Variants in IFT81 observed in about 807,000 individuals in gnomAD.
IFT81 encodes intraflagellar transport 81.
IFT81 carries 72 observed loss-of-function variants against 102.6 expected under a neutral mutation model. The observed-to-expected ratio is 0.70, with a 90% CI of 0.58 to 0.85. The LOEUF is 0.85. Ranked by LOEUF, IFT81 falls within the 40% of genes least tolerant of loss-of-function variation. The probability of loss-of-function intolerance (pLI) is 0.00; values close to 1 mark genes in which losing one functional copy is unlikely to be tolerated. For synonymous variants in IFT81, 237 were observed against 242.7 expected, an observed-to-expected ratio of 0.98 and a Z score of 0.22; for missense variants, 723 against 787.3, an observed-to-expected ratio of 0.92 and a Z score of 0.98.
At chr12:110,156,781 G>A (rs1593310935) in intron 10 of IFT81, among the ~76,000 whole-genome samples, 1 of 152,132 alleles carries the variant, frequency 6.6e-6, no homozygotes, top group African/African-American at 2.4e-5. Flanking sequence ...ATAGGTGTGA[G>A]CCACCACACC....
At position 110,128,860 on chromosome 12, in the gene IFT81, A is replaced by C. The variant is rs1566099294; in HGVS notation, c.249-90A>C. 4 of 911,528 alleles carry C rather than the reference A, an allele frequency of 4.4e-6. No homozygotes were observed. The East Asian group carries it at 8.2e-5, about 19-fold the overall frequency. The allele number at this position is 911,528 out of a possible 1,614,324, so 56.5% of individuals were successfully genotyped here. A position where few individuals can be genotyped will look rare whatever the true frequency, so the allele number is the denominator to read the frequency against. ...AAAAGTTACAGAAAGCAATTTGGACATTGTAAATCAGATTTTGAGAAAATG... is the reference window on the plus strand; with the variant it reads ...AAAAGTTACAGAAAGCAATTTGGACCTTGTAAATCAGATTTTGAGAAAATG... On this transcript the variant is annotated intron_variant, in intron 3 of 18. Coordinates refer to ENST00000242591, the MANE Select transcript of IFT81 (RefSeq NM_014055.4).
intron 18 of IFT81, among the ~76,000 whole-genome samples, chr12:110,215,119 T>C (rs1283553848): frequency 2.0e-5 from 3 of 152,202 alleles, no homozygotes; most frequent in African/African-American, 7.2e-5. Flanking sequence ...GGTTTGACTC[T>C]GGTCCTCAGC....
intron 12 of IFT81, among the ~76,000 whole-genome samples, chr12:110,184,336 C>A (rs538435404): frequency 1.3e-5 from 2 of 151,868 alleles, no homozygotes; most frequent in Non-Finnish European, 2.9e-5. Context: ...GGTGACAGAG[C>A]GAGACTCCAT....
chr12:110,173,115 TG>T (rs1295786667), intron 11 of IFT81, among the ~76,000 whole-genome samples: 2 of 103,618 alleles, frequency 1.9e-5, no homozygotes, highest in Non-Finnish European at 1.9e-5. Context: ...GGGAGGGAGG[TG>T]GGGGGGTCAG....
chr12:110,148,879 A>G (rs1218213599), intron 10 of IFT81, among the ~76,000 whole-genome samples: 1 of 152,184 alleles, frequency 6.6e-6, no homozygotes, highest in Non-Finnish European at 1.5e-5. Flanking sequence ...ATCATTATTT[A>G]TCAGTTTTCA....
chr12:110,173,239 GCCGCCCCGTCCGGGAGGTGAGGGGCGCCT>G, intron 11 of IFT81, among the ~76,000 whole-genome samples: 1 of 148,478 alleles, frequency 6.7e-6, no homozygotes, highest in Non-Finnish European at 1.5e-5. Flanking sequence ...CACCCGGCCA[GCCGCCCCGTCCGGGAGGTGAGGGGCGCCT>G]CTGCCCGGCC....
rs137970540 is a variant in IFT81, at chr12:110,143,517, A to G, written c.917A>G (p.His306Arg). ...GTAGTTTCAGAGCCAGCTATGGGCC[A>G]TTCTGATCTTCTTGAACTTGAATCT... ...QKVVSEPAMG[H>R]SDLLELESKI... Residue 306 changes from histidine to arginine, a missense_variant, in exon 9 of 19, where the codon CAT becomes CGT. Transcript: ENST00000242591. 4 of 1,557,120 alleles carry G rather than the reference A, an allele frequency of 2.6e-6. No homozygotes were observed. In the Admixed American group the frequency reaches 9.2e-5, roughly 36 times the overall value.
At chr12:110,179,773 T>TATATACACACAC (rs774113734) in intron 11 of IFT81, among the ~76,000 whole-genome samples, 7 of 50,476 alleles carry the variant, frequency 1.4e-4, no homozygotes, top group Admixed American at 3.5e-4. Context: ...TATATATATA[T>TATATACACACAC]ACACACACAC....
intron 11 of IFT81, among the ~76,000 whole-genome samples, chr12:110,172,942 T>TG (rs1438951746): frequency 2.7e-4 from 31 of 114,094 alleles, no homozygotes; most frequent in East Asian, 8.3e-4. Flanking sequence ...GGGAGGGAGG[T>TG]GGGGGTCAGC....
At chr12:110,157,116 G>A (rs1412436636) in intron 10 of IFT81, among the ~76,000 whole-genome samples, 5 of 151,836 alleles carry the variant, frequency 3.3e-5, no homozygotes, top group Admixed American at 1.3e-4. Flanking sequence ...TTGGGAGGCC[G>A]AGGCAGGCAG....
At chr12:110,213,908 T>C (rs139996207) in intron 18 of IFT81, among the ~76,000 whole-genome samples, 4 of 152,330 alleles carry the variant, frequency 2.6e-5, no homozygotes, top group Admixed American at 6.5e-5. Context: ...GCTTCTTTGT[T>C]TTCTGGTGTG....
At chr12:110,215,431 TTCTTCTCTTCTTCTTCTTCTTC>T (rs1869954769) in intron 18 of IFT81, among the ~76,000 whole-genome samples, 1 of 150,438 alleles carries the variant, frequency 6.6e-6, no homozygotes, top group African/African-American at 2.5e-5. Context: ...TCTTTTCTTT[TTCTTCTCTTCTTCTTCTTCTTC>T]TTTTTTTTTT....
chr12:110,150,078 C>T (rs151150763), intron 10 of IFT81, among the ~76,000 whole-genome samples: 7 of 152,002 alleles, frequency 4.6e-5, no homozygotes, highest in East Asian at 1.9e-4. Context: ...TAGGAGTTCT[C>T]GTTGATTTTT....
At chr12:110,172,181 G>C (rs1896765528) in intron 11 of IFT81, 1 of 152,564 alleles carries the variant, frequency 6.6e-6, no homozygotes, top group South Asian at 2.1e-4. Context: ...TGTAATCCCA[G>C]CACTTTGGGA....
chr12:110,144,819 C>T (rs1348485678), intron 9 of IFT81, among the ~76,000 whole-genome samples: 3 of 150,134 alleles, frequency 2.0e-5, no homozygotes, highest in African/African-American at 4.9e-5. Context: ...CTGATTATAC[C>T]ATTTTTGTTC....
chr12:110,125,456 G>A (rs972143803), intron 1 of IFT81, among the ~76,000 whole-genome samples: 2 of 152,048 alleles, frequency 1.3e-5, no homozygotes. Flanking sequence ...GTGCAGTGGC[G>A]CGATCTCGGC....
rs1303970531 is a variant in IFT81 at position 110,190,384 on chromosome 12, AGGATCATCTTCTCT to A, written c.1339-521_1339-508del. ...GGCTTTGCTCAGATGTCATCTTCTC[AGGATCATCTTCTCT>A]GGATCATCTTCTCTAACCACCTTCT... On this transcript the variant is annotated intron_variant, in intron 12 of 18. Coordinates refer to ENST00000242591, the MANE Select transcript of IFT81 (RefSeq NM_014055.4). 9.8e-5 allele frequency among the ~76,000 whole-genome samples: 15 copies of A among 152,320 alleles called. No homozygotes were observed. The East Asian group carries it at 2.5e-3, about 25-fold the overall frequency.
chr12:110,159,582 A>AGG (rs1896029748), intron 10 of IFT81, among the ~76,000 whole-genome samples: 1 of 152,206 alleles, frequency 6.6e-6, no homozygotes, highest in South Asian at 2.1e-4. Flanking sequence ...GGCTTCCAAA[A>AGG]GGGGAGAATG....
At chr12:110,157,013 GA>G (rs1895876155) in intron 10 of IFT81, among the ~76,000 whole-genome samples, 1 of 148,614 alleles carries the variant, frequency 6.7e-6, no homozygotes, top group African/African-American at 2.5e-5. Context: ...TTGACAGTTT[GA>G]TTTTTTTTTT....
Sources: gnomAD v4.1 joint callset for allele counts (sites outside exome capture counted in the v4.1 genomes callset) on GRCh38, gnomAD v4.1.1 for gene constraint, MANE v1.5 for transcripts, NCBI Gene and HGNC (gene_info 2026-07-23, HGNC 2026-07-21) for gene names.